The following RNF216 variants were observed in gnomAD, a reference collection of about 807,000 sequenced individuals.
RNF216 encodes the protein E3 ubiquitin-protein ligase RNF216.
Under a neutral mutation model 110.8 loss-of-function variants are expected in RNF216, and 72 were observed. The ratio of observed to expected loss-of-function variants is 0.65; its 90% CI spans 0.54 to 0.79. The LOEUF is 0.79. Ranked by LOEUF, RNF216 falls within the 30% of genes least tolerant of loss-of-function variation. The pLI, the probability that RNF216 is intolerant of heterozygous loss-of-function variation, is 0.00. For missense variants in RNF216, 1,342 were observed against 1,141.2 expected, an observed-to-expected ratio of 1.18 and a Z score of -2.54; for synonymous variants, 495 against 407.5, an observed-to-expected ratio of 1.21 and a Z score of -2.59.
chr7:5,630,405 G>A lies in RNF216; in HGVS notation c.2383-6280C>T, dbSNP rs575555107. On this transcript the variant is annotated intron_variant, in intron 15 of 16. Transcript: ENST00000389902. Reference sequence around the variant, plus strand: ...GTACCTTTTTTTTTCCCTCTAGACAGGGTCTTGCTCAGCCCAGGGTGGAGT... The same window carrying A: ...GTACCTTTTTTTTTCCCTCTAGACAAGGTCTTGCTCAGCCCAGGGTGGAGT... 8.1e-4 allele frequency among the ~76,000 whole-genome samples: 123 copies of A among 152,000 alleles called. 3 individuals are homozygous for A. The highest frequency in any genetic ancestry group is 2.8e-4 in the Non-Finnish European group (19 of 68,008).
chr7:5,716,691 T>A (rs572378352), intron 10 of RNF216, 25 bp downstream of exon 10: 1 of 1,564,112 alleles, frequency 6.4e-7, no homozygotes, highest in African/African-American at 1.4e-5. Context: ...ATGCCCAGAA[T>A]AAACAAGGTG....
chr7:5,769,893 C>T (rs986970757), intron 1 of RNF216, among the ~76,000 whole-genome samples: 1 of 144,668 alleles, frequency 6.9e-6, no homozygotes, highest in Non-Finnish European at 1.5e-5. Flanking sequence ...AAAAATTAGC[C>T]AGGCTTGGTG....
intron 15 of RNF216, among the ~76,000 whole-genome samples, chr7:5,639,546 C>CT (rs1787606053): frequency 6.6e-6 from 1 of 152,042 alleles, no homozygotes; most frequent in South Asian, 2.1e-4. Flanking sequence ...TCACTGCAAC[C>CT]TCCGCCTCCT....
intron 13 of RNF216, among the ~76,000 whole-genome samples, chr7:5,658,482 C>T (rs931713641): frequency 6.6e-6 from 1 of 151,704 alleles, no homozygotes; most frequent in Non-Finnish European, 1.5e-5. Flanking sequence ...CATAGTGAGA[C>T]CCCATCTCTA....
At chr7:5,730,636 C>A in intron 6 of RNF216, 79 bp downstream of exon 6, 3 of 1,593,102 alleles carry the variant, frequency 1.9e-6, no homozygotes, top group East Asian at 2.2e-5. Flanking sequence ...TTTCTTCCCA[C>A]AGAGATAACA....
chr7:5,775,702 C>G (rs574282990), intron 1 of RNF216, among the ~76,000 whole-genome samples: 1 of 152,136 alleles, frequency 6.6e-6, no homozygotes, highest in East Asian at 1.9e-4. Context: ...AAACCTGTCT[C>G]TACTAAAAAT....
chr7:5,625,138 G>A (rs1786628660), intron 15 of RNF216, among the ~76,000 whole-genome samples: 1 of 152,236 alleles, frequency 6.6e-6, no homozygotes, highest in African/African-American at 2.4e-5. Context: ...AGGCTCACAA[G>A]CAGCAGAGTG....
intron 13 of RNF216, among the ~76,000 whole-genome samples, chr7:5,670,538 A>T (rs1438694073): frequency 6.6e-6 from 1 of 152,160 alleles, no homozygotes; most frequent in Admixed American, 6.5e-5. Context: ...ACCTTAGGAG[A>T]TTCCATCATT....
At chr7:5,633,808 G>A (rs1787228152) in intron 15 of RNF216, among the ~76,000 whole-genome samples, 2 of 152,142 alleles carry the variant, frequency 1.3e-5, no homozygotes, top group African/African-American at 4.8e-5. Flanking sequence ...TTCCAGAAAC[G>A]TGCTGCACTT....
chr7:5,689,510 C>A (rs1791195920), intron 13 of RNF216, among the ~76,000 whole-genome samples: 1 of 151,304 alleles, frequency 6.6e-6, no homozygotes, highest in South Asian at 2.1e-4. Flanking sequence ...TAAAAAAAAA[C>A]AAAAAACAAA....
intron 15 of RNF216, among the ~76,000 whole-genome samples, chr7:5,636,571 T>G (rs1011074639): frequency 1.3e-5 from 2 of 152,222 alleles, no homozygotes; most frequent in Admixed American, 6.5e-5. Flanking sequence ...TGTGTGACAG[T>G]GCATGCTTTG....
intron 1 of RNF216, among the ~76,000 whole-genome samples, chr7:5,779,042 A>G (rs7794571): frequency 0.99 from 150,250 of 152,386 alleles, 74,089 homozygotes; most frequent in African/African-American, 1. Context: ...CACCATTCCC[A>G]ACTATGTTCT....
chr7:5,763,151 G>A (rs967460873), intron 1 of RNF216, among the ~76,000 whole-genome samples: 1 of 152,112 alleles, frequency 6.6e-6, no homozygotes, highest in Non-Finnish European at 1.5e-5. Flanking sequence ...TATGGAAGGA[G>A]AAAAGGTGGG....
At chr7:5,750,443 G>A (rs947893841) in intron 3 of RNF216, among the ~76,000 whole-genome samples, 3 of 152,246 alleles carry the variant, frequency 2.0e-5, no homozygotes, top group Non-Finnish European at 4.4e-5. Flanking sequence ...ATCTTTGGTA[G>A]AAATGGGAGT....
chr7:5,638,649 T>TTTG (rs1554345704), intron 15 of RNF216, among the ~76,000 whole-genome samples: 52 of 149,834 alleles, frequency 3.5e-4, no homozygotes, highest in African/African-American at 1.2e-3. Flanking sequence ...TTTTTTTTTT[T>TTTG]GGGGGGGAGA....
intron 15 of RNF216, among the ~76,000 whole-genome samples, chr7:5,636,069 A>G (rs852375): frequency 0.16 from 25,034 of 152,166 alleles, 3,303 homozygotes; most frequent in African/African-American, 0.37. Flanking sequence ...CCATACTCTC[A>G]AATCCAGACT....
chr7:5,729,327 C>T, intron 7 of RNF216, 105 bp downstream of exon 7: 1 of 1,080,720 alleles, frequency 9.3e-7, no homozygotes, highest in South Asian at 1.5e-5. Flanking sequence ...AATTCCTTAG[C>T]AATCATAAAC....
At chr7:5,664,707 C>T (rs1789392231) in intron 13 of RNF216, among the ~76,000 whole-genome samples, 1 of 152,208 alleles carries the variant, frequency 6.6e-6, no homozygotes, top group Admixed American at 6.5e-5. Context: ...TGCACGCTTC[C>T]CCCACTGGCC....
At chr7:5,694,637 C>T (rs1584464607) in intron 13 of RNF216, among the ~76,000 whole-genome samples, 1 of 152,264 alleles carries the variant, frequency 6.6e-6, no homozygotes, top group East Asian at 1.9e-4. Context: ...AAGGATGAGG[C>T]CCACTTGTGG....
Sources: allele counts gnomAD v4.1 joint callset (sites outside exome capture counted in the v4.1 genomes callset), GRCh38; gene constraint gnomAD v4.1.1; transcripts MANE v1.5; gene names NCBI Gene and HGNC (gene_info 2026-07-23, HGNC 2026-07-21).